ARHGAP24: variants seen among roughly 807,000 people sequenced by gnomAD.
ARHGAP24 encodes rho GTPase-activating protein 24.
A neutral mutation model predicts 76.4 loss-of-function variants in ARHGAP24; 50 were observed. That is an observed-to-expected ratio of 0.65 (90% CI 0.52 to 0.83). ARHGAP24 has a LOEUF of 0.83. Among genes scored for constraint, ARHGAP24 ranks in the 40% least tolerant of loss-of-function variants. The probability of loss-of-function intolerance (pLI) is 0.00; values close to 1 mark genes in which losing one functional copy is unlikely to be tolerated. For synonymous variants in ARHGAP24, 345 were observed against 323.3 expected (o/e 1.07, Z -0.72); for missense variants, 930 against 914.2 (o/e 1.02, Z -0.22).
intron 3 of ARHGAP24, among the ~76,000 whole-genome samples, chr4:85,744,302 G>T (rs1725944452): frequency 6.6e-6 from 1 of 152,148 alleles, no homozygotes; most frequent in African/African-American, 2.4e-5. Flanking sequence ...AAGGAGTCTG[G>T]CTTATGTTCC....
At chr4:85,642,687 G>A (rs1464595639) in intron 2 of ARHGAP24, among the ~76,000 whole-genome samples, 1 of 150,304 alleles carries the variant, frequency 6.7e-6, no homozygotes, top group Non-Finnish European at 1.5e-5. Flanking sequence ...CCACCCTTGA[G>A]AGTGTCTGAG....
intron 3 of ARHGAP24, among the ~76,000 whole-genome samples, chr4:85,866,305 G>A (rs916593698): frequency 3.9e-5 from 6 of 152,080 alleles, no homozygotes; most frequent in Admixed American, 1.3e-4. Flanking sequence ...TCAGAAGTTC[G>A]TCTCTAACCG....
At position 85,877,221 on chromosome 4, in the gene ARHGAP24, T is replaced by C. The variant is rs116202653; in HGVS notation, c.269-46427T>C. Among the ~76,000 whole-genome samples, 377 of 152,344 alleles carry C rather than the reference T, an allele frequency of 2.5e-3. 2 individuals are homozygous for C. Among genetic ancestry groups the C allele is most frequent in the African/African-American group, 8.7e-3 (362 of 41,580 alleles). On this transcript the variant is annotated intron_variant, in intron 3 of 9. Coordinates refer to ENST00000395184, the MANE Select transcript of ARHGAP24 (RefSeq NM_001025616.3). ...TTTTTGTTGTTTTGTTCAATTTTCA[T>C]TCACATTGTGTATATTTTATTCAAT...
At chr4:85,980,780 C>A (rs1739613741) in intron 8 of ARHGAP24, among the ~76,000 whole-genome samples, 1 of 152,076 alleles carries the variant, frequency 6.6e-6, no homozygotes, top group African/African-American at 2.4e-5. Context: ...AGGTCCATGG[C>A]CTCAAATGTA....
intron 6 of ARHGAP24, 94 bp downstream of exon 6, chr4:85,972,262 C>T (rs1001224419): frequency 4.0e-6 from 6 of 1,508,136 alleles, no homozygotes; most frequent in East Asian, 2.3e-5. Context: ...TGCCCTATCC[C>T]GGTGTTACTC....
intron 2 of ARHGAP24, among the ~76,000 whole-genome samples, chr4:85,645,874 ATCAATATTAC>A (rs936251823): frequency 1.3e-5 from 2 of 152,104 alleles, no homozygotes; most frequent in African/African-American, 4.8e-5. Flanking sequence ...CATACCATGA[ATCAATATTAC>A]AGAATAATGT....
intron 2 of ARHGAP24, among the ~76,000 whole-genome samples, chr4:85,699,904 G>A (rs554826897): frequency 1.3e-5 from 2 of 152,104 alleles, no homozygotes; most frequent in Admixed American, 1.3e-4. Context: ...AATATATATT[G>A]TTGAGTGAAT....
At chr4:85,577,604 G>A (rs1362573514) in intron 2 of ARHGAP24, among the ~76,000 whole-genome samples, 2 of 152,120 alleles carry the variant, frequency 1.3e-5, no homozygotes, top group East Asian at 1.9e-4. Context: ...TCTGCTATAC[G>A]TGACTAAAGT....
chr4:85,947,855 A>G (rs1009328130), intron 5 of ARHGAP24, among the ~76,000 whole-genome samples: 2 of 152,244 alleles, frequency 1.3e-5, no homozygotes, highest in African/African-American at 4.8e-5. Flanking sequence ...CAGTTTTAAC[A>G]TTTGAGGACA....
chr4:85,704,793 G>A (rs543116108), intron 2 of ARHGAP24, among the ~76,000 whole-genome samples: 11 of 152,224 alleles, frequency 7.2e-5, no homozygotes, highest in African/African-American at 2.6e-4. Flanking sequence ...TATGTCCTCA[G>A]TACCGTATCT....
At chr4:85,687,769 G>A (rs959379387) in intron 2 of ARHGAP24, among the ~76,000 whole-genome samples, 1 of 151,512 alleles carries the variant, frequency 6.6e-6, no homozygotes, top group South Asian at 2.1e-4. Context: ...TTTTCCTTTG[G>A]GTATATGCCC....
At chr4:85,513,551 CTT>C (rs199973646) in intron 1 of ARHGAP24, among the ~76,000 whole-genome samples, 17 of 145,842 alleles carry the variant, frequency 1.2e-4, no homozygotes, top group African/African-American at 3.9e-4. Context: ...GAATGATTGC[CTT>C]TTTTTTAAAA....
Position 85,485,379 on chromosome 4 carries a change from ATATATATATAT to A in ARHGAP24, c.-21+9821_-21+9831del, listed in dbSNP as rs1723005634. Reference sequence around the variant, plus strand: ...AAAAAAAAAAAAAAAAAAAAAAAATATATATATATATATATATATATATATATATATATATC... The same window carrying A: ...AAAAAAAAAAAAAAAAAAAAAAAATAATATATATATATATATATATATATC... On this transcript the variant is annotated intron_variant, in intron 1 of 9. Transcript: ENST00000395184. 2.3e-3 allele frequency among the ~76,000 whole-genome samples: 46 copies of A among 20,058 alleles called. 1 individual carries two copies. Among genetic ancestry groups the A allele is most frequent in the African/African-American group, 8.9e-3 (41 of 4,608 alleles). 13.2% of individuals were successfully genotyped at this position (20,058 alleles called of 152,430 possible).
chr4:85,555,144 G>A (rs2110131785), intron 1 of ARHGAP24, among the ~76,000 whole-genome samples: 1 of 152,184 alleles, frequency 6.6e-6, no homozygotes, highest in African/African-American at 2.4e-5. Flanking sequence ...TTTTCATCCT[G>A]GTTAAGAATT....
intron 3 of ARHGAP24, among the ~76,000 whole-genome samples, chr4:85,746,506 AT>A (rs200555391): frequency 1.3e-4 from 20 of 151,238 alleles, no homozygotes; most frequent in African/African-American, 4.1e-4. Flanking sequence ...GTATGATTTC[AT>A]TTTTTTTTAA....
intron 5 of ARHGAP24, among the ~76,000 whole-genome samples, chr4:85,954,156 G>A (rs1473930087): frequency 6.6e-6 from 1 of 152,092 alleles, no homozygotes; most frequent in African/African-American, 2.4e-5. Flanking sequence ...TTTTGTTTAG[G>A]GCAGAAAAAT....
chr4:85,605,240 T>C lies in ARHGAP24; in HGVS notation c.180+34519T>C, dbSNP rs28733613. ...GAAAATGAGAGATGACTTTTGTCTC[T>C]CAAATTGGAAAATGTATTTTTAATC... On this transcript the variant is annotated intron_variant, in intron 2 of 9. Coordinates refer to ENST00000395184, the MANE Select transcript of ARHGAP24 (RefSeq NM_001025616.3). Among the ~76,000 whole-genome samples the C allele has an allele frequency of 2.6e-3, 389 of 152,306 alleles. 1 individual carries two copies. Among genetic ancestry groups the C allele is most frequent in the African/African-American group, 8.8e-3 (366 of 41,582 alleles).
chr4:85,915,513 C>T (rs762611782), intron 3 of ARHGAP24, among the ~76,000 whole-genome samples: 18 of 152,014 alleles, frequency 1.2e-4, no homozygotes, highest in African/African-American at 2.9e-4. Flanking sequence ...GGTGGTTTGC[C>T]GCACCCATCA....
At chr4:85,975,221 G>A (rs571235073) in intron 7 of ARHGAP24, among the ~76,000 whole-genome samples, 1 of 152,248 alleles carries the variant, frequency 6.6e-6, no homozygotes, top group East Asian at 1.9e-4. Flanking sequence ...CAAGTTTTTT[G>A]TACTGTTTCA....
Sources: gnomAD v4.1 joint callset for allele counts (sites outside exome capture counted in the v4.1 genomes callset) on GRCh38, gnomAD v4.1.1 for gene constraint, MANE v1.5 for transcripts, NCBI Gene and HGNC (gene_info 2026-07-23, HGNC 2026-07-21) for gene names.